DLG2: variants seen among roughly 807,000 people sequenced by gnomAD.
DLG2 encodes disks large homolog 2.
DLG2 carries 45 observed loss-of-function variants against 132.5 expected under a neutral mutation model. The ratio of observed to expected loss-of-function variants is 0.34; its 90% CI spans 0.27 to 0.44. The LOEUF (loss-of-function observed/expected upper bound fraction) is 0.44. Among genes scored for constraint, DLG2 ranks in the 20% least tolerant of loss-of-function variants. DLG2 has a pLI of 1.00. For missense variants in DLG2, 1,045 were observed against 1,196.9 expected, an observed-to-expected ratio of 0.87 and a Z score of 1.87; for synonymous variants, 424 against 419.6, an observed-to-expected ratio of 1.01 and a Z score of -0.13.
At chr11:83,766,095 CTTT>C (rs35863223) in intron 18 of DLG2, among the ~76,000 whole-genome samples, 6 of 133,652 alleles carry the variant, frequency 4.5e-5, no homozygotes, top group African/African-American at 5.8e-5. Flanking sequence ...CCACTGAATG[CTTT>C]TTTTTTTTTT....
chr11:84,826,767 C>T (rs554354617), intron 6 of DLG2, among the ~76,000 whole-genome samples: 1 of 151,856 alleles, frequency 6.6e-6, no homozygotes, highest in Non-Finnish European at 1.5e-5. Flanking sequence ...ACAACCTCTG[C>T]TGCTGCCTTG....
intron 8 of DLG2, among the ~76,000 whole-genome samples, chr11:84,205,254 C>G (rs962597174): frequency 6.6e-6 from 1 of 152,104 alleles, no homozygotes. Context: ...CAAAAACTTA[C>G]AAAACTAAAG....
At chr11:83,726,595 C>T (rs970714243) in intron 18 of DLG2, among the ~76,000 whole-genome samples, 3 of 152,098 alleles carry the variant, frequency 2.0e-5, no homozygotes, top group Non-Finnish European at 2.9e-5. Context: ...CAAATCCCCC[C>T]AAAAGATAAG....
At chr11:85,302,726 C>T (rs547294186) in intron 3 of DLG2, among the ~76,000 whole-genome samples, 16 of 151,040 alleles carry the variant, frequency 1.1e-4, no homozygotes, top group South Asian at 6.3e-4. Context: ...GCACATTCAG[C>T]GTAATAGTAG....
rs144895539 is a variant in DLG2, at chr11:85,379,141, T to G, written c.41-93776A>C. ...AACAGAAAAGTAAATTAACTTACAA[T>G]GAACAAGAACTTCCTTGGACTCCAT... On this transcript the variant is annotated intron_variant, in intron 3 of 27. Coordinates refer to ENST00000376104, the MANE Select transcript of DLG2 (RefSeq NM_001142699.3). Among the ~76,000 whole-genome samples the G allele has an allele frequency of 1.5e-4, 23 of 152,310 alleles. 1 individual carries two copies. The East Asian group carries it at 4.1e-3, about 27-fold the overall frequency.
chr11:84,491,144 G>C (rs2099164031), intron 7 of DLG2, among the ~76,000 whole-genome samples: 1 of 152,022 alleles, frequency 6.6e-6, no homozygotes, highest in Non-Finnish European at 1.5e-5. Flanking sequence ...GGGGAAATCG[G>C]AAGCCAGGTA....
chr11:83,719,164 A>G (rs1416202713), intron 18 of DLG2, among the ~76,000 whole-genome samples: 1 of 152,192 alleles, frequency 6.6e-6, no homozygotes, highest in African/African-American at 2.4e-5. Context: ...GTCTTTCTGG[A>G]AAAGTCTGTA....
At chr11:83,826,481 A>G (rs2052821469) in intron 17 of DLG2, among the ~76,000 whole-genome samples, 1 of 152,214 alleles carries the variant, frequency 6.6e-6, no homozygotes, top group African/African-American at 2.4e-5. Context: ...GGCAAAAGCC[A>G]GAAATGACTG....
intron 6 of DLG2, among the ~76,000 whole-genome samples, chr11:84,638,172 CA>C (rs764940097): frequency 2.2e-4 from 33 of 152,248 alleles, no homozygotes; most frequent in Non-Finnish European, 4.3e-4. Flanking sequence ...GCAATTTCAA[CA>C]AGAGTAATAA....
At chr11:83,460,232 C>A (rs1275481115) in intron 27 of DLG2, among the ~76,000 whole-genome samples, 1 of 152,130 alleles carries the variant, frequency 6.6e-6, no homozygotes, top group Non-Finnish European at 1.5e-5. Context: ...TTTATGGGTG[C>A]CTACTCTGAG....
At chr11:85,188,956 T>C (rs1459824025) in intron 4 of DLG2, among the ~76,000 whole-genome samples, 11 of 152,110 alleles carry the variant, frequency 7.2e-5, no homozygotes. Context: ...TTTTAAAATT[T>C]GATAAAAACT....
chr11:84,106,474 T>A (rs558288045), intron 9 of DLG2, among the ~76,000 whole-genome samples: 13 of 152,126 alleles, frequency 8.5e-5, no homozygotes, highest in Admixed American at 3.9e-4. Flanking sequence ...AGTTTTTAAA[T>A]GCTATCTAAT....
chr11:83,828,273 A>T (rs367747183), intron 17 of DLG2, among the ~76,000 whole-genome samples: 5 of 152,282 alleles, frequency 3.3e-5, no homozygotes, highest in Non-Finnish European at 7.4e-5. Context: ...GGCACCAGTA[A>T]TCTCAGCTAC....
At position 84,842,684 on chromosome 11, in the gene DLG2, G is replaced by A. The variant is rs915738316; in HGVS notation, c.357+268977C>T. Among the ~76,000 whole-genome samples, 4 of 151,904 alleles carry A rather than the reference G, an allele frequency of 2.6e-5. No individual in the cohort carries two copies. In the Middle Eastern group the frequency reaches 0.01, roughly 388 times the overall value. On this transcript the variant is annotated intron_variant, in intron 6 of 27. Transcript: ENST00000376104. ...AGAAAGGTTGTGCGTAGTAGTAGGAGGATCTAAATAAATGGTTCCCGAGAT... is the reference window on the plus strand; with the variant it reads ...AGAAAGGTTGTGCGTAGTAGTAGGAAGATCTAAATAAATGGTTCCCGAGAT...
chr11:84,781,292 T>A (rs897201315), intron 6 of DLG2, among the ~76,000 whole-genome samples: 1 of 152,054 alleles, frequency 6.6e-6, no homozygotes, highest in Admixed American at 6.6e-5. Flanking sequence ...CACAGATATT[T>A]TAGTAGTTTT....
chr11:84,825,631 C>T (rs2153987075), intron 6 of DLG2, among the ~76,000 whole-genome samples: 1 of 152,026 alleles, frequency 6.6e-6, no homozygotes, highest in African/African-American at 2.4e-5. Context: ...CCATCTCATC[C>T]AGAGATATCC....
chr11:84,726,421 A>G (rs1466189719), intron 6 of DLG2, among the ~76,000 whole-genome samples: 2 of 152,122 alleles, frequency 1.3e-5, no homozygotes, highest in Admixed American at 1.3e-4. Context: ...AGCTTCATCC[A>G]TGTCCCTGCA....
At chr11:83,886,858 T>C (rs1272925080) in intron 15 of DLG2, among the ~76,000 whole-genome samples, 3 of 150,126 alleles carry the variant, frequency 2.0e-5, no homozygotes. Flanking sequence ...ACTGGGTACA[T>C]AACGAAATGA....
chr11:84,405,635 C>A (rs562794785), intron 7 of DLG2, among the ~76,000 whole-genome samples: 2 of 152,064 alleles, frequency 1.3e-5, no homozygotes, highest in Admixed American at 1.3e-4. Flanking sequence ...CTTTGCCCCT[C>A]AGAGGTACAT....
Sources: allele counts gnomAD v4.1 joint callset (sites outside exome capture counted in the v4.1 genomes callset), GRCh38; gene constraint gnomAD v4.1.1; transcripts MANE v1.5; gene names NCBI Gene and HGNC (gene_info 2026-07-23, HGNC 2026-07-21).